SH3RF3: variants seen among roughly 807,000 people sequenced by gnomAD.
SH3RF3 encodes the protein SH3 domain containing ring finger 3.
SH3RF3 carries 29 observed loss-of-function variants against 66.3 expected under a neutral mutation model. The observed-to-expected ratio is 0.44, with a 90% confidence interval of 0.33 to 0.60. The LOEUF (loss-of-function observed/expected upper bound fraction) is 0.60. SH3RF3 is among the 20% of genes least tolerant of loss of function. The probability of loss-of-function intolerance (pLI) is 0.04; values close to 1 mark genes in which losing one functional copy is unlikely to be tolerated. For synonymous variants in SH3RF3, 583 were observed against 532.0 expected (o/e 1.10, Z -1.32); for missense variants, 1,194 against 1,190.9 (o/e 1.00, Z -0.04).
chr2:109,129,821 G>A lies in SH3RF3; in HGVS notation c.281G>A (p.Cys94Tyr). 6.5e-7 allele frequency: 1 copy of A among 1,537,234 alleles called. No homozygotes were observed. The highest frequency in any genetic ancestry group is 8.7e-7 in the Non-Finnish European group (1 of 1,145,304). ...GTGTGCTCGCGCCACGAGCTGCGCT[G>A]CCCCGAGTGCCGCATCCTGGTGGGC... ...SIVCSRHELR[C>Y]PECRILVGCG... The change falls in exon 1 of 10, where the codon TGC (cysteine) becomes TAC (tyrosine). Residue 94 changes from cysteine to tyrosine, a missense_variant. Coordinates refer to ENST00000309415, the MANE Select transcript of SH3RF3 (RefSeq NM_001099289.3).
At chr2:109,491,472 A>G (rs1020324217) in intron 9 of SH3RF3, among the ~76,000 whole-genome samples, 5 of 152,214 alleles carry the variant, frequency 3.3e-5, no homozygotes, top group Admixed American at 3.3e-4. Context: ...GAAATTGCCC[A>G]TATTCATTCA....
intron 1 of SH3RF3, among the ~76,000 whole-genome samples, chr2:109,321,714 G>A (rs1284924589): frequency 3.3e-5 from 5 of 152,222 alleles, no homozygotes; most frequent in East Asian, 1.9e-4. Context: ...GCCCCCTGCC[G>A]TGCAACTCAA....
chr2:109,401,135 G>T (rs1676302789), intron 4 of SH3RF3, among the ~76,000 whole-genome samples: 2 of 152,354 alleles, frequency 1.3e-5, no homozygotes, highest in South Asian at 4.1e-4. Context: ...CGGGCAGGTT[G>T]TCATGGTGGT....
intron 1 of SH3RF3, among the ~76,000 whole-genome samples, chr2:109,234,171 G>T (rs1400897807): frequency 6.6e-6 from 1 of 152,188 alleles, no homozygotes; most frequent in Non-Finnish European, 1.5e-5. Flanking sequence ...GAAGTTAATA[G>T]TATTTTAATC....
intron 1 of SH3RF3, among the ~76,000 whole-genome samples, chr2:109,159,308 C>T (rs565535639): frequency 1.3e-5 from 2 of 152,198 alleles, no homozygotes; most frequent in Non-Finnish European, 2.9e-5. Flanking sequence ...TGCTGTACCG[C>T]GGTTTCCTCG....
intron 1 of SH3RF3, among the ~76,000 whole-genome samples, chr2:109,281,976 G>C (rs763162782): frequency 5.9e-5 from 9 of 152,092 alleles, no homozygotes; most frequent in Non-Finnish European, 1.2e-4. Flanking sequence ...ATGGCCGAGC[G>C]CTGGGCCAGG....
At chr2:109,388,847 G>C (rs1424243322) in intron 3 of SH3RF3, among the ~76,000 whole-genome samples, 1 of 152,124 alleles carries the variant, frequency 6.6e-6, no homozygotes, top group Non-Finnish European at 1.5e-5. Context: ...GAGAGAAGGG[G>C]GTATAGAGAC....
intron 1 of SH3RF3, among the ~76,000 whole-genome samples, chr2:109,211,371 A>G (rs969894384): frequency 1.3e-5 from 2 of 152,226 alleles, no homozygotes; most frequent in African/African-American, 4.8e-5. Context: ...AATGAAATTC[A>G]CAGAAGATGC....
Position 109,476,067 on chromosome 2 carries a change from T to A in SH3RF3, c.2149-14538T>A, listed in dbSNP as rs992893223. Among the ~76,000 whole-genome samples, 3 of 152,348 alleles carry A rather than the reference T, an allele frequency of 2.0e-5. No individual in the cohort carries two copies. The East Asian group carries it at 5.8e-4, about 29-fold the overall frequency. ...CCAGAGTTAGCAGTACTGTACGGTA[T>A]GCTTAGAAACTTGTAAGAGGGCAGA... On this transcript the variant is annotated intron_variant, in intron 8 of 9. Coordinates refer to ENST00000309415, the MANE Select transcript of SH3RF3 (RefSeq NM_001099289.3).
intron 8 of SH3RF3, among the ~76,000 whole-genome samples, chr2:109,469,909 G>C (rs1473055413): frequency 1.3e-5 from 2 of 152,188 alleles, no homozygotes; most frequent in Non-Finnish European, 2.9e-5. Context: ...GTGGGGGTCT[G>C]AGCCTGGACA....
chr2:109,369,560 T>C (rs1340727238), intron 2 of SH3RF3, among the ~76,000 whole-genome samples: 1 of 152,100 alleles, frequency 6.6e-6, no homozygotes, highest in Non-Finnish European at 1.5e-5. Context: ...GGTTTGGGTG[T>C]TTTTGAAGCT....
intron 1 of SH3RF3, among the ~76,000 whole-genome samples, chr2:109,146,932 C>T (rs1677115837): frequency 7.7e-6 from 1 of 129,212 alleles, no homozygotes; most frequent in Admixed American, 9.0e-5. Flanking sequence ...CCTCAGAGTC[C>T]TGTTAGAAAA....
chr2:109,351,453 A>C (rs909124949), intron 2 of SH3RF3, among the ~76,000 whole-genome samples: 1 of 152,220 alleles, frequency 6.6e-6, no homozygotes, highest in Non-Finnish European at 1.5e-5. Context: ...GAACTACTCC[A>C]TTGTTTGAGC....
chr2:109,284,276 T>A (rs1278245221), intron 1 of SH3RF3, among the ~76,000 whole-genome samples: 2 of 152,254 alleles, frequency 1.3e-5, no homozygotes, highest in South Asian at 4.1e-4. Context: ...TTGAGCATCT[T>A]CACTGTATTA....
intron 1 of SH3RF3, among the ~76,000 whole-genome samples, chr2:109,130,727 C>T (rs998010049): frequency 2.6e-5 from 4 of 152,198 alleles, no homozygotes; most frequent in Non-Finnish European, 4.4e-5. Flanking sequence ...TTCTCCTGGG[C>T]TCCCAGGCAG....
chr2:109,419,111 A>G (rs1013328320), intron 4 of SH3RF3, among the ~76,000 whole-genome samples: 3 of 152,016 alleles, frequency 2.0e-5, no homozygotes, highest in Non-Finnish European at 2.9e-5. Context: ...CATGGGACCA[A>G]TTTTCTTTAG....
chr2:109,262,120 A>G (rs896854660), intron 1 of SH3RF3, among the ~76,000 whole-genome samples: 1 of 152,182 alleles, frequency 6.6e-6, no homozygotes, highest in Non-Finnish European at 1.5e-5. Flanking sequence ...CAGGGCAGGA[A>G]AGCCCTGGGA....
intron 1 of SH3RF3, among the ~76,000 whole-genome samples, chr2:109,288,421 A>G (rs542932296): frequency 1.3e-5 from 2 of 152,224 alleles, no homozygotes; most frequent in African/African-American, 4.8e-5. Flanking sequence ...GAATGTGGAT[A>G]TGCCAGCTTT....
chr2:109,131,153 C>T (rs1034587303), intron 1 of SH3RF3, among the ~76,000 whole-genome samples: 24 of 152,260 alleles, frequency 1.6e-4, no homozygotes, highest in Admixed American at 5.9e-4. Context: ...ATTCTAGCAC[C>T]TGGATTAGGC....
Sources: gnomAD v4.1 joint callset for allele counts (sites outside exome capture counted in the v4.1 genomes callset) on GRCh38, gnomAD v4.1.1 for gene constraint, MANE v1.5 for transcripts, NCBI Gene and HGNC (gene_info 2026-07-23, HGNC 2026-07-21) for gene names.